Variants in DUSP22 observed in about 807,000 individuals in gnomAD.
DUSP22 encodes dual specificity protein phosphatase 22.
Under a neutral mutation model 24.5 loss-of-function variants are expected in DUSP22, and 24 were observed. The ratio of observed to expected loss-of-function variants is 0.98; its 90% CI spans 0.71 to 1.38. DUSP22 has a LOEUF of 1.38. Ranked by LOEUF, DUSP22 falls within the 40% of genes most tolerant of loss-of-function variation. The pLI, the probability that DUSP22 is intolerant of heterozygous loss-of-function variation, is 0.00. For synonymous variants in DUSP22, 160 were observed against 106.4 expected, an observed-to-expected ratio of 1.50 and a Z score of -3.10; for missense variants, 330 against 269.2, an observed-to-expected ratio of 1.23 and a Z score of -1.58.
chr6:312,626 G>A (rs973847638), intron 3 of DUSP22, among the ~76,000 whole-genome samples: 9 of 152,302 alleles, frequency 5.9e-5, no homozygotes, highest in African/African-American at 1.7e-4. Context: ...ATAATGCTGT[G>A]TGGTTGTGAT....
chr6:348,508 T>A (rs1759998332), intron 6 of DUSP22: 2 of 855,078 alleles, frequency 2.3e-6, no homozygotes, highest in Admixed American at 2.9e-5. Flanking sequence ...TACTCCCTAC[T>A]AGTTTGTTTC....
At chr6:334,793 A>G (rs1236931956) in intron 3 of DUSP22, among the ~76,000 whole-genome samples, 2 of 152,304 alleles carry the variant, frequency 1.3e-5, no homozygotes, top group Non-Finnish European at 2.9e-5. Flanking sequence ...ATAAACTAAC[A>G]TCTGAGATGC....
At chr6:302,277 C>T (rs912653793) in intron 1 of DUSP22, among the ~76,000 whole-genome samples, 4 of 152,308 alleles carry the variant, frequency 2.6e-5, no homozygotes, top group East Asian at 1.9e-4. Flanking sequence ...ACATCTTAGG[C>T]GTCGTATTCC....
chr6:292,580 G>T lies in DUSP22; in HGVS notation c.21+20G>T. Reference sequence around the variant, plus strand: ...AACAAGGTAACGTCTTCCCTCGTTCGCGCTGGGTTTGCCTCCGCTCCGACG... The same window carrying T: ...AACAAGGTAACGTCTTCCCTCGTTCTCGCTGGGTTTGCCTCCGCTCCGACG... On this transcript the variant is annotated intron_variant, in intron 1 of 6. Transcript: ENST00000419235. The T allele has an allele frequency of 6.3e-7, 1 of 1,593,428 alleles. No homozygotes were observed.
chr6:309,497 G>T (rs889636088), intron 2 of DUSP22, among the ~76,000 whole-genome samples: 2 of 152,302 alleles, frequency 1.3e-5, no homozygotes, highest in African/African-American at 4.8e-5. Context: ...CTTAAAAGTG[G>T]TATTTTAATA....
In DUSP22 at chr6:345,866, C is replaced by G; in HGVS notation, c.201C>G (p.Phe67Leu). 2.5e-6 allele frequency: 4 copies of G among 1,614,222 alleles called. No homozygotes were observed. The highest frequency in any genetic ancestry group is 3.4e-6 in the Non-Finnish European group (4 of 1,180,002). Residue 67 changes from phenylalanine (F) to leucine (L), a missense_variant, in exon 5 of 7, where the codon TTC (phenylalanine) becomes TTG (leucine). By Grantham distance (22) the Phe-to-Leu change is conservative. Coordinates refer to ENST00000419235, the MANE Select transcript of DUSP22 (RefSeq NM_001286555.3). ...TTTCTTTTCCCAGGACAAGACATTT[C>G]AAAGAAAGTATTAAATTCATTCACG... ...DSPSQNLTRH[F>L]KESIKFIHEC...
intron 3 of DUSP22, among the ~76,000 whole-genome samples, chr6:327,782 GA>G (rs2127408317): frequency 1.3e-5 from 2 of 152,424 alleles, no homozygotes; most frequent in East Asian, 3.9e-4. Flanking sequence ...GCCTATTCCA[GA>G]GAGAGAAAAC....
intron 1 of DUSP22, among the ~76,000 whole-genome samples, chr6:296,311 A>G (rs536144159): frequency 1.3e-5 from 2 of 152,282 alleles, no homozygotes; most frequent in Non-Finnish European, 2.9e-5. Context: ...GTAAGCCACA[A>G]CTCCATGAAG....
chr6:317,289 A>G (rs1286379191), intron 3 of DUSP22, among the ~76,000 whole-genome samples: 1 of 152,304 alleles, frequency 6.6e-6, no homozygotes, highest in East Asian at 1.9e-4. Context: ...GGTCTCCTGG[A>G]GGGACCCTGG....
At chr6:332,021 A>C (rs1759162406) in intron 3 of DUSP22, among the ~76,000 whole-genome samples, 1 of 152,302 alleles carries the variant, frequency 6.6e-6, no homozygotes, top group Non-Finnish European at 1.5e-5. Flanking sequence ...TCACTGGCAC[A>C]AATGATGGTG....
intron 4 of DUSP22, among the ~76,000 whole-genome samples, chr6:341,586 T>C (rs1408147033): frequency 6.6e-6 from 1 of 152,310 alleles, no homozygotes; most frequent in Non-Finnish European, 1.5e-5. Flanking sequence ...TGCCGAATTG[T>C]GTCCATGAGT....
chr6:332,640 C>CCTT (rs1279165375), intron 3 of DUSP22, among the ~76,000 whole-genome samples: 1 of 134,650 alleles, frequency 7.4e-6, no homozygotes, highest in African/African-American at 2.8e-5. Context: ...CTCTTCCTGT[C>CCTT]CTTCTTTTTT....
chr6:330,821 C>A (rs1481107380), intron 3 of DUSP22, among the ~76,000 whole-genome samples: 1 of 152,302 alleles, frequency 6.6e-6, no homozygotes, highest in Non-Finnish European at 1.5e-5. Flanking sequence ...CTTAGCAGAT[C>A]CCCCATCTCT....
chr6:340,464 A>G (rs1168343831), intron 4 of DUSP22, among the ~76,000 whole-genome samples: 1 of 152,304 alleles, frequency 6.6e-6, no homozygotes, highest in Non-Finnish European at 1.5e-5. Context: ...TTATGAAACC[A>G]CCTTCCAGAG....
rs574843098 is a variant in DUSP22, at chr6:310,024, G to A, written c.56-1856G>A. ...TGCCCAGGCTGGAGTTCAGTGGGGCGATCTCGGCTCACTGCAACCTCCGCC... is the reference window on the plus strand; with the variant it reads ...TGCCCAGGCTGGAGTTCAGTGGGGCAATCTCGGCTCACTGCAACCTCCGCC... On this transcript the variant is annotated intron_variant, in intron 2 of 6. Transcript: ENST00000419235. Among the ~76,000 whole-genome samples the A allele has an allele frequency of 1.5e-4, 23 of 152,396 alleles. No individual in the cohort carries two copies. In the South Asian group the frequency reaches 2.1e-3, roughly 14 times the overall value.
intron 2 of DUSP22, among the ~76,000 whole-genome samples, chr6:306,827 G>C (rs915320899): frequency 4.6e-5 from 7 of 152,310 alleles, no homozygotes; most frequent in Non-Finnish European, 8.8e-5. Flanking sequence ...TGCAGAACAG[G>C]AAGGGGCCAG....
intron 4 of DUSP22, among the ~76,000 whole-genome samples, chr6:340,846 T>G (rs544510464): frequency 7.0e-4 from 107 of 152,388 alleles, no homozygotes; most frequent in Non-Finnish European, 1.2e-3. Context: ...ACAGTGGGGA[T>G]TGAGGCCTCC....
Position 350,272 on chromosome 6 carries a change from C to G in DUSP22, c.*1321C>G. ...TTTCTGGTGGGTAAAATTCCACATTCAGGCCACGAGAGCATCTACAGTTTG... is the reference window on the plus strand; with the variant it reads ...TTTCTGGTGGGTAAAATTCCACATTGAGGCCACGAGAGCATCTACAGTTTG... On this transcript the variant is annotated 3_prime_UTR_variant, in exon 7 of 7. Coordinates refer to ENST00000419235, the MANE Select transcript of DUSP22 (RefSeq NM_001286555.3). 1.0e-6 allele frequency: 1 copy of G among 989,260 alleles called. No individual in the cohort carries two copies. Among genetic ancestry groups the G allele is most frequent in the Non-Finnish European group, 1.2e-6 (1 of 832,610 alleles). The allele number at this position is 989,260 out of a possible 1,614,324, so 61.3% of individuals were successfully genotyped here.
Position 348,858 on chromosome 6 carries a change from A to G in DUSP22, c.525A>G (p.Gln175=). The change falls in exon 7 of 7, where the codon CAA becomes CAG. Residue 175 remains glutamine, a synonymous_variant. Coordinates refer to ENST00000419235, the MANE Select transcript of DUSP22 (RefSeq NM_001286555.3). ...AKNILGKYKE[Q]GRTEPQPGAR... is the part of the protein sequence containing the mutation. ...ACATTCTGGGTAAATATAAGGAGCA[A>G]GGGCGCACAGAGCCCCAGCCCGGCG... 2 of 1,614,308 alleles carry G rather than the reference A, an allele frequency of 1.2e-6. No individual in the cohort carries two copies. Among genetic ancestry groups the G allele is most frequent in the Non-Finnish European group, 1.7e-6 (2 of 1,180,058 alleles).
Sources: allele counts gnomAD v4.1 joint callset (sites outside exome capture counted in the v4.1 genomes callset), GRCh38; gene constraint gnomAD v4.1.1; transcripts MANE v1.5; gene names NCBI Gene and HGNC (gene_info 2026-07-23, HGNC 2026-07-21).